The following MRC1 variants were observed in gnomAD, a reference collection of about 807,000 sequenced individuals.
MRC1 encodes macrophage mannose receptor 1.
MRC1 carries 62 observed loss-of-function variants against 102.9 expected under a neutral mutation model. That is an observed-to-expected ratio of 0.60 (90% CI 0.49 to 0.74). MRC1 has a LOEUF of 0.74. Ranked by LOEUF, MRC1 falls within the 30% of genes least tolerant of loss-of-function variation. The probability of loss-of-function intolerance (pLI) is 0.00; values close to 1 mark genes in which losing one functional copy is unlikely to be tolerated. For missense variants in MRC1, 1,237 were observed against 862.8 expected (o/e 1.43, Z -5.43); for synonymous variants, 457 against 298.4 (o/e 1.53, Z -5.48).
At position 17,860,525 on chromosome 10, in the gene MRC1, A is replaced by C. The variant is rs975808329; in HGVS notation, c.1519-862A>C. The stretch of plus-strand genomic sequence containing the variant: ...ACTCCTGGGCTCAAGTCATCCTCCC[A>C]ACTTCGACTCCCAAAGTGCTGGCGT... On this transcript the variant is annotated intron_variant, in intron 9 of 29. Transcript: ENST00000569591. Among the ~76,000 whole-genome samples, 4 of 152,124 alleles carry C rather than the reference A, an allele frequency of 2.6e-5. No individual in the cohort carries two copies. In the East Asian group the frequency reaches 7.7e-4, roughly 29 times the overall value.
intron 4 of MRC1, among the ~76,000 whole-genome samples, chr10:17,838,153 C>G (rs1011946301): frequency 6.6e-6 from 1 of 152,146 alleles, no homozygotes; most frequent in Non-Finnish European, 1.5e-5. Context: ...TCTTCCATTT[C>G]ACCCTGCCTG....
intron 5 of MRC1, chr10:17,845,031 G>A (rs1242182620): frequency 1.4e-6 from 1 of 725,772 alleles, no homozygotes; most frequent in African/African-American, 1.7e-5. Flanking sequence ...CTGATAATGG[G>A]GGAAAGGGTT....
intron 11 of MRC1, among the ~76,000 whole-genome samples, chr10:17,865,631 G>A (rs1424094847): frequency 5.3e-5 from 8 of 152,168 alleles, no homozygotes; most frequent in African/African-American, 1.4e-4. Flanking sequence ...CCTGGGGCTC[G>A]GGCCTGAGCA....
intron 22 of MRC1, among the ~76,000 whole-genome samples, chr10:17,892,644 T>G (rs572007107): frequency 2.7e-4 from 41 of 152,346 alleles, no homozygotes; most frequent in African/African-American, 9.1e-4. Flanking sequence ...TCCTTTTTTT[T>G]GTTTTGCTTA....
chr10:17,882,285 G>A (rs1049976450), intron 21 of MRC1, among the ~76,000 whole-genome samples: 18 of 152,044 alleles, frequency 1.2e-4, no homozygotes, highest in Admixed American at 3.3e-4. Context: ...GGACTTTGAA[G>A]GATCATCCTG....
intron 7 of MRC1, among the ~76,000 whole-genome samples, chr10:17,852,578 C>G (rs1838933043): frequency 6.6e-6 from 1 of 152,126 alleles, no homozygotes; most frequent in African/African-American, 2.4e-5. Context: ...AGGCTACCAT[C>G]AATAACATGA....
chr10:17,867,078 C>T (rs897493656), intron 12 of MRC1, among the ~76,000 whole-genome samples: 6 of 148,106 alleles, frequency 4.1e-5, no homozygotes, highest in Non-Finnish European at 4.5e-5. Flanking sequence ...CCTCCATTCC[C>T]CCCTTGCCCT....
intron 6 of MRC1, among the ~76,000 whole-genome samples, chr10:17,848,120 G>T (rs1042835142): frequency 2.0e-5 from 3 of 152,038 alleles, no homozygotes; most frequent in Non-Finnish European, 4.4e-5. Flanking sequence ...ACCTTTAAGG[G>T]AAGATACGAC....
intron 1 of MRC1, among the ~76,000 whole-genome samples, chr10:17,813,723 G>T: frequency 7.2e-6 from 1 of 139,830 alleles, no homozygotes; most frequent in African/African-American, 2.7e-5. Context: ...TTTGAGACAG[G>T]GTCTCACTCT....
At chr10:17,875,316 G>C in intron 17 of MRC1, 63 bp downstream of exon 17, 1 of 771,678 alleles carries the variant, frequency 1.3e-6, no homozygotes, top group Non-Finnish European at 2.4e-6. Context: ...TTGTTTGGTT[G>C]TATGGAAAAG....
At chr10:17,839,962 A>G (rs1212121007) in intron 4 of MRC1, among the ~76,000 whole-genome samples, 2 of 149,138 alleles carry the variant, frequency 1.3e-5, no homozygotes, top group Non-Finnish European at 3.0e-5. Context: ...GCTACTCGAG[A>G]GGCTGAGGCA....
At chr10:17,860,624 C>T (rs1395658250) in intron 9 of MRC1, among the ~76,000 whole-genome samples, 1 of 152,148 alleles carries the variant, frequency 6.6e-6, no homozygotes, top group Non-Finnish European at 1.5e-5. Flanking sequence ...AATGCTGAAT[C>T]ATACTGCCTG....
rs1554838383 is a variant in MRC1, at chr10:17,823,153, A to G, written c.141A>G (p.Ala47=). 1 of 780,886 alleles carries G rather than the reference A, an allele frequency of 1.3e-6. No individual in the cohort carries two copies. Among genetic ancestry groups the G allele is most frequent in the Non-Finnish European group, 2.4e-6 (1 of 417,962 alleles). The allele number at this position is 780,886 out of a possible 1,614,324, so 48.4% of individuals were successfully genotyped here. A position where few individuals can be genotyped will look rare whatever the true frequency, so the allele number is the denominator to read the frequency against. The change falls in exon 2 of 30, where the codon GCA becomes GCG. Residue 47 remains alanine (A), a synonymous_variant. Transcript: ENST00000569591. Reference sequence around the variant, plus strand: ...TGAGTCCCAGTGCCGTCCAAACCGCAGCTTGCAACCAGGATGCCGAATCAC... The same window carrying G: ...TGAGTCCCAGTGCCGTCCAAACCGCGGCTTGCAACCAGGATGCCGAATCAC... ...DAVSPSAVQT[A]ACNQDAESQK... is the part of the protein sequence containing the mutation.
At chr10:17,830,450 C>T (rs1164600078) in intron 3 of MRC1, among the ~76,000 whole-genome samples, 2 of 151,416 alleles carry the variant, frequency 1.3e-5, no homozygotes, top group Non-Finnish European at 2.9e-5. Flanking sequence ...TATTTTATAT[C>T]AGCCTTAAAA....
intron 1 of MRC1, among the ~76,000 whole-genome samples, chr10:17,817,159 A>G (rs966405246): frequency 3.8e-4 from 57 of 150,712 alleles, no homozygotes; most frequent in Non-Finnish European, 5.8e-4. Flanking sequence ...CTGAGGCACG[A>G]GAATCGCTTG....
intron 10 of MRC1, among the ~76,000 whole-genome samples, chr10:17,862,475 A>ATTGGACATTTGTGCATCTACAT (rs1457813219): frequency 1.3e-5 from 2 of 152,176 alleles, no homozygotes; most frequent in Admixed American, 1.3e-4. Context: ...CTTTTGGTCT[A>ATTGGACATTTGTGCATCTACAT]TTGGACATTT....
intron 3 of MRC1, among the ~76,000 whole-genome samples, chr10:17,830,219 C>T (rs1449062788): frequency 6.6e-6 from 1 of 151,240 alleles, no homozygotes; most frequent in Non-Finnish European, 1.5e-5. Flanking sequence ...ACAACCTCTG[C>T]CTCCCAGGCT....
At chr10:17,824,216 A>G (rs929705487) in intron 2 of MRC1, among the ~76,000 whole-genome samples, 7 of 152,204 alleles carry the variant, frequency 4.6e-5, no homozygotes, top group Non-Finnish European at 8.8e-5. Flanking sequence ...CTGCACAGAA[A>G]ACAAAACAAA....
intron 9 of MRC1, among the ~76,000 whole-genome samples, chr10:17,860,714 G>C (rs1833171860): frequency 6.6e-6 from 1 of 152,202 alleles, no homozygotes; most frequent in East Asian, 1.9e-4. Flanking sequence ...TAGGCAACTA[G>C]GTTTGCTCTT....
Sources: allele counts gnomAD v4.1 joint callset (sites outside exome capture counted in the v4.1 genomes callset), GRCh38; gene constraint gnomAD v4.1.1; transcripts MANE v1.5; gene names NCBI Gene and HGNC (gene_info 2026-07-23, HGNC 2026-07-21).